The following NEBL variants were observed in gnomAD, a reference collection of about 807,000 sequenced individuals.
The protein encoded by NEBL is LIM and SH3 protein 2.
A neutral mutation model predicts 140.2 loss-of-function variants in NEBL; 122 were observed. The ratio of observed to expected loss-of-function variants is 0.87; its 90% confidence interval spans 0.75 to 1.01. The LOEUF is 1.01. NEBL is among the 50% of genes least tolerant of loss of function. NEBL has a pLI of 0.00. For synonymous variants in NEBL, 436 were observed against 398.9 expected, an observed-to-expected ratio of 1.09 and a Z score of -1.11; for missense variants, 1,365 against 1,231.3, an observed-to-expected ratio of 1.11 and a Z score of -1.62.
rs149173036 is a variant in NEBL, at chr10:20,878,960, G to A, written c.480+1834C>T. Among the ~76,000 whole-genome samples the A allele has an allele frequency of 9.2e-4, 140 of 152,148 alleles. 2 individuals are homozygous for A. The highest frequency in any genetic ancestry group is 3.1e-3 in the African/African-American group (130 of 41,504). On this transcript the variant is annotated intron_variant, in intron 5 of 27. Transcript: ENST00000377122. Reference sequence around the variant, plus strand: ...ATTATAGAGTTGGAAAGAGCCTCCCGGGGATCCGTGTAACACCAGACCTCA... The same window carrying A: ...ATTATAGAGTTGGAAAGAGCCTCCCAGGGATCCGTGTAACACCAGACCTCA...
intron 1 of NEBL, among the ~76,000 whole-genome samples, chr10:21,278,384 C>T (rs922026530): frequency 6.6e-6 from 1 of 152,250 alleles, no homozygotes; most frequent in African/African-American, 2.4e-5. Context: ...GTCGAGGCTT[C>T]AGTGAGCTAT....
chr10:21,009,487 T>C (rs56764741), intron 3 of NEBL, among the ~76,000 whole-genome samples: 10,902 of 152,258 alleles, frequency 0.072, 1,314 homozygotes, highest in African/African-American at 0.25. Flanking sequence ...GTTGCCTTAA[T>C]TTCTGATTTA....
intron 3 of NEBL, among the ~76,000 whole-genome samples, chr10:21,199,607 G>T (rs1384984874): frequency 6.6e-6 from 1 of 152,228 alleles, no homozygotes; most frequent in Non-Finnish European, 1.5e-5. Flanking sequence ...TGCTTGGACT[G>T]ATCTGAGAAG....
intron 6 of NEBL, among the ~76,000 whole-genome samples, chr10:20,869,130 G>C (rs1272764472): frequency 6.6e-6 from 1 of 152,118 alleles, no homozygotes; most frequent in East Asian, 1.9e-4. Flanking sequence ...GAACTGTTCT[G>C]GCCATACTTG....
intron 26 of NEBL, among the ~76,000 whole-genome samples, chr10:20,796,460 T>A (rs180834654): frequency 1.3e-5 from 2 of 151,042 alleles, no homozygotes; most frequent in African/African-American, 4.9e-5. Flanking sequence ...ACAACATTAG[T>A]TGTATTTTTA....
chr10:21,080,907 G>A (rs916558776), intron 2 of NEBL, among the ~76,000 whole-genome samples: 1 of 152,172 alleles, frequency 6.6e-6, no homozygotes, highest in African/African-American at 2.4e-5. Context: ...AGGCTGGAGT[G>A]TGATGGCACA....
Position 21,282,808 on chromosome 10 carries a change from A to G in NEBL, n.182+10022T>C, listed in dbSNP as rs1008430469. Among the ~76,000 whole-genome samples the G allele has an allele frequency of 5.3e-5, 8 of 152,134 alleles. No homozygotes were observed. The East Asian group carries it at 1.3e-3, about 26-fold the overall frequency. On this transcript the variant is annotated intron_variant and non_coding_transcript_variant, in intron 1 of 8. Transcript: ENST00000675702. Reference sequence around the variant, plus strand: ...AAAGGGTCACCACAAGATACAGGTCATAAAGATATTGCTGATTAAAAAAAG... The same window carrying G: ...AAAGGGTCACCACAAGATACAGGTCGTAAAGATATTGCTGATTAAAAAAAG...
At chr10:21,275,807 A>ATTTT (rs959684198) in intron 1 of NEBL, among the ~76,000 whole-genome samples, 2 of 113,802 alleles carry the variant, frequency 1.8e-5, no homozygotes, top group Admixed American at 9.2e-5. Flanking sequence ...CACCCAGCTA[A>ATTTT]TTTTTTTTTT....
intron 26 of NEBL, among the ~76,000 whole-genome samples, chr10:20,799,372 T>C (rs904347982): frequency 2.0e-5 from 3 of 152,148 alleles, no homozygotes; most frequent in African/African-American, 7.2e-5. Context: ...GCCAAGCTGG[T>C]CTTGAACTCC....
intron 2 of NEBL, among the ~76,000 whole-genome samples, chr10:21,121,351 C>T (rs1043492723): frequency 7.2e-5 from 11 of 151,994 alleles, no homozygotes; most frequent in African/African-American, 2.7e-4. Context: ...AGGTTCAGTC[C>T]CTACCTCTTG....
chr10:20,830,282 C>G (rs1009378225), intron 16 of NEBL, among the ~76,000 whole-genome samples: 5 of 152,198 alleles, frequency 3.3e-5, no homozygotes, highest in Non-Finnish European at 5.9e-5. Flanking sequence ...CTCCATTAAT[C>G]AAATTAAATG....
intron 4 of NEBL, among the ~76,000 whole-genome samples, chr10:20,902,634 A>C (rs1177196217): frequency 6.6e-6 from 1 of 152,186 alleles, no homozygotes; most frequent in East Asian, 1.9e-4. Flanking sequence ...AAGTATTCTC[A>C]ATGTCTACAT....
In NEBL at chr10:20,831,688, T is replaced by C. The variant is rs71535728; in HGVS notation, c.1450-105A>G. 3.0e-4 allele frequency: 223 copies of C among 743,284 alleles called. 3 individuals are homozygous for C. Among genetic ancestry groups the C allele is most frequent in the South Asian group, 2.3e-3 (152 of 64,816 alleles). 46.0% of individuals were successfully genotyped at this position (743,284 alleles called of 1,614,324 possible). On this transcript the variant is annotated intron_variant, in intron 14 of 27. Coordinates refer to ENST00000377122, the MANE Select transcript of NEBL (RefSeq NM_006393.3). The stretch of plus-strand genomic sequence containing the variant: ...TAAGACCATGTCTTTTGGAATGAAG[T>C]TGAATCCTTATTTCTTTTATTTCTA...
intron 3 of NEBL, among the ~76,000 whole-genome samples, chr10:21,239,885 G>A (rs1361908386): frequency 2.0e-5 from 3 of 151,902 alleles, no homozygotes; most frequent in Admixed American, 1.3e-4. Flanking sequence ...GCATCGTGGC[G>A]GTCACCTGTA....
At chr10:21,257,031 A>G (rs1842666871) in intron 1 of NEBL, among the ~76,000 whole-genome samples, 1 of 152,232 alleles carries the variant, frequency 6.6e-6, no homozygotes. Flanking sequence ...TAACAACACT[A>G]TGAAAATTAG....
chr10:21,041,845 C>G (rs141436990), intron 2 of NEBL, among the ~76,000 whole-genome samples: 1 of 152,180 alleles, frequency 6.6e-6, no homozygotes, highest in South Asian at 2.1e-4. Context: ...TTCCTCCCCA[C>G]TTTAGACCAT....
intron 5 of NEBL, among the ~76,000 whole-genome samples, chr10:20,871,959 A>G (rs1004084521): frequency 5.9e-5 from 9 of 152,222 alleles, no homozygotes; most frequent in African/African-American, 9.7e-5. Context: ...AGGTGAAAAC[A>G]AACCCAAATT....
At chr10:20,789,081 C>T (rs1281487153) in intron 26 of NEBL, among the ~76,000 whole-genome samples, 1 of 152,130 alleles carries the variant, frequency 6.6e-6, no homozygotes, top group Non-Finnish European at 1.5e-5. Flanking sequence ...CCTGGAGCAC[C>T]GAGGGTCTTG....
chr10:20,938,532 CT>C (rs1834645230), intron 4 of NEBL, among the ~76,000 whole-genome samples: 1 of 152,216 alleles, frequency 6.6e-6, no homozygotes, highest in Non-Finnish European at 1.5e-5. Context: ...ATCAGAGCGC[CT>C]CTTCTCCTTA....
Sources: gnomAD v4.1 joint callset for allele counts (sites outside exome capture counted in the v4.1 genomes callset) on GRCh38, gnomAD v4.1.1 for gene constraint, MANE v1.5 for transcripts, NCBI Gene and HGNC (gene_info 2026-07-23, HGNC 2026-07-21) for gene names.